The following RANBP2 variants were observed in gnomAD, a reference collection of about 807,000 sequenced individuals.
RANBP2 encodes the protein RAN binding protein 2.
Under a neutral mutation model 303.6 loss-of-function variants are expected in RANBP2, and 57 were observed. The ratio of observed to expected loss-of-function variants is 0.19; its 90% CI spans 0.15 to 0.23. RANBP2 has a LOEUF of 0.23. RANBP2 is among the 10% of genes least tolerant of loss of function. The probability of loss-of-function intolerance (pLI) is 1.00; values close to 1 mark genes in which losing one functional copy is unlikely to be tolerated. For synonymous variants in RANBP2, 1,167 were observed against 1,301.5 expected (o/e 0.90, Z 2.23); for missense variants, 3,138 against 3,780.8 (o/e 0.83, Z 4.46).
chr2:109,544,298 GA>G, the RANBP2 span: 1 of 1,599,432 alleles, frequency 6.3e-7, no homozygotes, highest in Non-Finnish European at 8.5e-7. Flanking sequence ...CTGTGCTCTG[GA>G]ACTTCTGTTT....
At chr2:109,225,049 G>A in the RANBP2 span, among the ~76,000 whole-genome samples, 4 of 152,104 alleles carry the variant, frequency 2.6e-5, no homozygotes, top group South Asian at 2.1e-4. Flanking sequence ...CTGAGACATA[G>A]CTTTTTGACA....
chr2:109,302,282 G>A, the RANBP2 span, among the ~76,000 whole-genome samples: 6 of 149,736 alleles, frequency 4.0e-5, no homozygotes, highest in African/African-American at 1.2e-4. Context: ...GCATTTTTTT[G>A]TGACTGTAAT....
chr2:109,543,422 G>T, the RANBP2 span: 1 of 151,972 alleles, frequency 6.6e-6, no homozygotes, highest in African/African-American at 2.4e-5. Flanking sequence ...CCATAATAAG[G>T]CATAATAAAG....
the RANBP2 span, among the ~76,000 whole-genome samples, chr2:109,264,117 A>C: frequency 1.3e-5 from 2 of 151,030 alleles, no homozygotes; most frequent in Non-Finnish European, 2.9e-5. Context: ...CTACCTGTCC[A>C]CCTCCCCAGG....
the RANBP2 span, among the ~76,000 whole-genome samples, chr2:109,158,514 T>G: frequency 6.6e-6 from 1 of 152,220 alleles, no homozygotes; most frequent in Non-Finnish European, 1.5e-5. Flanking sequence ...ATGCCTTGGC[T>G]GGGGGAGCTG....
the RANBP2 span, among the ~76,000 whole-genome samples, chr2:109,315,213 C>A: frequency 6.6e-6 from 1 of 152,182 alleles, no homozygotes; most frequent in African/African-American, 2.4e-5. Context: ...AAGTGTGAGT[C>A]CTCTGAGTGG....
the RANBP2 span, among the ~76,000 whole-genome samples, chr2:109,066,808 G>A: frequency 6.6e-3 from 997 of 152,178 alleles, 14 homozygotes; most frequent in African/African-American, 0.023. Flanking sequence ...AGAGCCGAGC[G>A]GTAAAGGAAG....
chr2:108,984,074 G>T, the RANBP2 span, among the ~76,000 whole-genome samples: 2 of 152,170 alleles, frequency 1.3e-5, no homozygotes, highest in Non-Finnish European at 2.9e-5. Context: ...TTTTGGAAGT[G>T]TAATCATGTG....
the RANBP2 span, among the ~76,000 whole-genome samples, chr2:109,122,835 C>A: frequency 6.6e-6 from 1 of 152,172 alleles, no homozygotes; most frequent in Non-Finnish European, 1.5e-5. Context: ...TGTGCCACTG[C>A]GCTCCAAACT....
chr2:108,794,497 T>A, the RANBP2 span: 1 of 1,525,650 alleles, frequency 6.6e-7, no homozygotes. Context: ...TTTGAAACAA[T>A]AAGTTAATAA....
At chr2:109,380,644 G>A in the RANBP2 span, among the ~76,000 whole-genome samples, 2 of 152,202 alleles carry the variant, frequency 1.3e-5, no homozygotes, top group Non-Finnish European at 2.9e-5. Context: ...CAGCCTGAGT[G>A]GCTCAGTCAT....
chr2:109,454,859 T>C, the RANBP2 span, among the ~76,000 whole-genome samples: 1 of 151,958 alleles, frequency 6.6e-6, no homozygotes, highest in African/African-American at 2.4e-5. Flanking sequence ...CTAAAGAGAA[T>C]TGGAAAAACT....
At chr2:109,228,842 A>G in the RANBP2 span, among the ~76,000 whole-genome samples, 1 of 152,150 alleles carries the variant, frequency 6.6e-6, no homozygotes, top group African/African-American at 2.4e-5. Context: ...TCCAACTTGT[A>G]GGGATTTTTA....
At chr2:109,449,377 A>C in the RANBP2 span, 1 of 1,610,712 alleles carries the variant, frequency 6.2e-7, no homozygotes, top group Non-Finnish European at 8.5e-7. Flanking sequence ...ACACCTCCCA[A>C]CGTCAGTGCC....
chr2:108,816,266 C>G, the RANBP2 span, among the ~76,000 whole-genome samples: 1 of 152,054 alleles, frequency 6.6e-6, no homozygotes, highest in African/African-American at 2.4e-5. Context: ...GCCTGGGCAA[C>G]GTGGTGCAAC....
chr2:109,120,300 G>C, the RANBP2 span, among the ~76,000 whole-genome samples: 2 of 152,220 alleles, frequency 1.3e-5, no homozygotes, highest in Non-Finnish European at 2.9e-5. Context: ...TTAACAACCA[G>C]GGCTTTGGTG....
At chr2:108,826,455 C>G in the RANBP2 span, among the ~76,000 whole-genome samples, 3 of 152,036 alleles carry the variant, frequency 2.0e-5, no homozygotes, top group African/African-American at 7.3e-5. Flanking sequence ...AGGAGTGTAA[C>G]CTCATTTTTT....
intron 20 of RANBP2, among the ~76,000 whole-genome samples, chr2:108,770,245 GCTAT>G (rs1677403995): frequency 6.6e-6 from 1 of 152,134 alleles, no homozygotes; most frequent in Non-Finnish European, 1.5e-5. Context: ...GCCAAGAGAG[GCTAT>G]CTGATTTACC....
chr2:109,567,241 T>C, the RANBP2 span, among the ~76,000 whole-genome samples: 1 of 152,160 alleles, frequency 6.6e-6, no homozygotes. Context: ...AATGGACATA[T>C]GGCCAACCAA....
Sources: gnomAD v4.1 joint callset for allele counts (sites outside exome capture counted in the v4.1 genomes callset) on GRCh38, gnomAD v4.1.1 for gene constraint, MANE v1.5 for transcripts, NCBI Gene and HGNC (gene_info 2026-07-23, HGNC 2026-07-21) for gene names.